Variants in ERC2 observed in about 807,000 individuals in gnomAD.
ERC2 encodes ERC protein 2.
ERC2 carries 42 observed loss-of-function variants against 114.8 expected under a neutral mutation model. That is an observed-to-expected ratio of 0.37 (90% CI 0.29 to 0.47). The LOEUF (loss-of-function observed/expected upper bound fraction) is 0.47. Ranked by LOEUF, ERC2 falls within the 20% of genes least tolerant of loss-of-function variation. The probability of loss-of-function intolerance (pLI) is 0.99; values close to 1 mark genes in which losing one functional copy is unlikely to be tolerated. For missense variants in ERC2, 939 were observed against 1,150.7 expected (o/e 0.82, Z 2.66); for synonymous variants, 454 against 425.5 (o/e 1.07, Z -0.82).
At chr3:55,963,423 T>C (rs2068528952) in intron 12 of ERC2, among the ~76,000 whole-genome samples, 1 of 152,146 alleles carries the variant, frequency 6.6e-6, no homozygotes, top group Admixed American at 6.5e-5. Flanking sequence ...AACACAACGT[T>C]CCCTTTTTGT....
At chr3:56,448,968 G>A (rs543853371) in intron 1 of ERC2, among the ~76,000 whole-genome samples, 6 of 151,806 alleles carry the variant, frequency 4.0e-5, no homozygotes, top group Admixed American at 2.6e-4. Flanking sequence ...CCAGCTACTC[G>A]GGAGGCTGAG....
At chr3:55,614,825 C>G (rs1013208356) in intron 17 of ERC2, among the ~76,000 whole-genome samples, 1 of 152,206 alleles carries the variant, frequency 6.6e-6, no homozygotes, top group Non-Finnish European at 1.5e-5. Context: ...ACCTAGCCAA[C>G]AGCAAAATGG....
chr3:55,644,071 C>T (rs1345163577), intron 17 of ERC2, among the ~76,000 whole-genome samples: 1 of 152,064 alleles, frequency 6.6e-6, no homozygotes, highest in Non-Finnish European at 1.5e-5. Context: ...GAGAGGGCAG[C>T]CTGGCTCTAT....
intron 2 of ERC2, among the ~76,000 whole-genome samples, chr3:56,402,609 TCTC>T (rs914807119): frequency 5.9e-5 from 9 of 152,040 alleles, no homozygotes; most frequent in Admixed American, 5.9e-4. Context: ...CCATCTCACT[TCTC>T]CTCCCACCAC....
intron 15 of ERC2, among the ~76,000 whole-genome samples, chr3:55,728,937 A>G (rs903465103): frequency 1.3e-5 from 2 of 152,198 alleles, no homozygotes; most frequent in Admixed American, 6.5e-5. Flanking sequence ...TGTGGCCCCA[A>G]CGGAAGCAGC....
chr3:56,259,647 T>TGATA (rs1553899549), intron 3 of ERC2, among the ~76,000 whole-genome samples: 1,651 of 144,094 alleles, frequency 0.011, 39 homozygotes, highest in East Asian at 0.11. Context: ...TGGTACAGAT[T>TGATA]TGATATGATA....
In ERC2 at chr3:55,582,307, T is replaced by C. The variant is rs146856912; in HGVS notation, c.*40-71031A>G. On this transcript the variant is annotated intron_variant, in intron 17 of 17. Transcript: ENST00000288221. ...CCTTGACACAGATCCCTGCTCCAAG[T>C]AGGTACTCAATACAATAGGTATTTA... 2.5e-3 allele frequency among the ~76,000 whole-genome samples: 387 copies of C among 152,288 alleles called. 2 individuals carry two copies. The highest frequency in any genetic ancestry group is 8.2e-3 in the African/African-American group (339 of 41,570).
chr3:56,376,461 A>C lies in ERC2; in HGVS notation c.657+57890T>G, dbSNP rs1211965281. On this transcript the variant is annotated intron_variant, in intron 2 of 17. Transcript: ENST00000288221. ...AGACAAAGAATCTTAATTGCTCCCA[A>C]AAAAAAAAAAAGAGGTGAGTTGGCC... Among the ~76,000 whole-genome samples, 92 of 64,930 alleles carry C rather than the reference A, an allele frequency of 1.4e-3. 1 individual carries two copies. The highest frequency in any genetic ancestry group is 5.7e-3 in the African/African-American group (89 of 15,726). 42.6% of individuals were successfully genotyped at this position (64,930 alleles called of 152,430 possible). A position where few individuals can be genotyped will look rare whatever the true frequency, so the allele number is the denominator to read the frequency against.
At chr3:55,644,568 A>G (rs766395521) in intron 17 of ERC2, among the ~76,000 whole-genome samples, 49 of 152,182 alleles carry the variant, frequency 3.2e-4, no homozygotes, top group Non-Finnish European at 2.9e-4. Flanking sequence ...GGTCACTGTC[A>G]GGGACAAAAA....
intron 3 of ERC2, among the ~76,000 whole-genome samples, chr3:56,241,571 G>A (rs541603284): frequency 2.2e-4 from 34 of 152,100 alleles, no homozygotes; most frequent in African/African-American, 8.0e-4. Context: ...CAACTTTCTT[G>A]ATAGAAAATT....
intron 4 of ERC2, among the ~76,000 whole-genome samples, chr3:56,154,481 T>G (rs1220088386): frequency 6.6e-6 from 1 of 152,158 alleles, no homozygotes; most frequent in African/African-American, 2.4e-5. Context: ...ATGAAACCCA[T>G]GCCCTTGGAA....
In ERC2 at chr3:56,211,308, A is replaced by G. The variant is rs538237649; in HGVS notation, c.1075-37788T>C. ...GGTGCCCTGCTATACACCAACAGCA[A>G]CCAAGCTGAGAATCAAATCAAGAAC... On this transcript the variant is annotated intron_variant, in intron 3 of 17. Transcript: ENST00000288221. Among the ~76,000 whole-genome samples the G allele has an allele frequency of 3.9e-5, 6 of 152,302 alleles. No homozygotes were observed. The South Asian group carries it at 1.2e-3, about 32-fold the overall frequency.
intron 6 of ERC2, among the ~76,000 whole-genome samples, chr3:56,126,721 C>T (rs1445596554): frequency 6.6e-6 from 1 of 150,386 alleles, no homozygotes; most frequent in Admixed American, 6.6e-5. Context: ...TAGTACTGCT[C>T]TCCAACCTGG....
chr3:55,686,203 G>A (rs1366099140), intron 16 of ERC2, among the ~76,000 whole-genome samples: 2 of 152,132 alleles, frequency 1.3e-5, no homozygotes, highest in Non-Finnish European at 2.9e-5. Context: ...TGTTCAGATC[G>A]ACATCTTGTA....
At chr3:55,599,337 G>C (rs2148522811) in intron 17 of ERC2, among the ~76,000 whole-genome samples, 1 of 152,336 alleles carries the variant, frequency 6.6e-6, no homozygotes, top group Non-Finnish European at 1.5e-5. Flanking sequence ...AGACAGAGAA[G>C]ACAACTTGAT....
chr3:56,456,505 A>G (rs1236821944), intron 1 of ERC2, among the ~76,000 whole-genome samples: 3 of 152,228 alleles, frequency 2.0e-5, no homozygotes, highest in Non-Finnish European at 4.4e-5. Flanking sequence ...TAAAATCCCA[A>G]ATTCCATCTT....
chr3:55,511,161 T>C lies in ERC2; in HGVS notation c.*155A>G, dbSNP rs1301512965. 1 of 152,540 alleles carries C rather than the reference T, an allele frequency of 6.6e-6. No homozygotes were observed. The highest frequency in any genetic ancestry group is 1.5e-5 in the Non-Finnish European group (1 of 68,036). The allele number at this position is 152,540 out of a possible 1,614,324, so 9.4% of individuals were successfully genotyped here. A position where few individuals can be genotyped will look rare whatever the true frequency, so the allele number is the denominator to read the frequency against. ...CAATAAGGTAAGTGAAAACTCCCCT[T>C]CAGTTCTGATGAGCCGCTCCAGGTG... On this transcript the variant is annotated 3_prime_UTR_variant, in exon 18 of 18. Coordinates refer to ENST00000288221, the MANE Select transcript of ERC2 (RefSeq NM_015576.3).
chr3:56,260,819 A>G (rs772812838), intron 3 of ERC2, among the ~76,000 whole-genome samples: 3 of 152,168 alleles, frequency 2.0e-5, no homozygotes, highest in Admixed American at 6.5e-5. Context: ...TCCCAGGCCA[A>G]TTCTCAGAAT....
intron 14 of ERC2, among the ~76,000 whole-genome samples, chr3:55,879,867 TGGCCAGTG>T (rs1302185574): frequency 6.6e-6 from 1 of 152,166 alleles, no homozygotes; most frequent in Admixed American, 6.6e-5. Context: ...CTTAAAACCC[TGGCCAGTG>T]GGCCCCTTCC....
Sources: allele counts gnomAD v4.1 joint callset (sites outside exome capture counted in the v4.1 genomes callset), GRCh38; gene constraint gnomAD v4.1.1; transcripts MANE v1.5; gene names NCBI Gene and HGNC (gene_info 2026-07-23, HGNC 2026-07-21).